EIPR1: variants seen among roughly 807,000 people sequenced by gnomAD.
EIPR1 encodes the protein EARP complex and GARP complex interacting protein 1.
A neutral mutation model predicts 48.1 loss-of-function variants in EIPR1; 25 were observed. That is an observed-to-expected ratio of 0.52 (90% confidence interval 0.38 to 0.73). The LOEUF is 0.73. Among genes scored for constraint, EIPR1 ranks in the 30% least tolerant of loss-of-function variants. EIPR1 has a pLI of 0.00. For synonymous variants in EIPR1, 204 were observed against 201.9 expected, an observed-to-expected ratio of 1.01 and a Z score of -0.09; for missense variants, 415 against 506.2, an observed-to-expected ratio of 0.82 and a Z score of 1.73.
chr2:3,316,231 C>G (rs1357666185), intron 3 of EIPR1, among the ~76,000 whole-genome samples: 1 of 151,616 alleles, frequency 6.6e-6, no homozygotes, highest in Non-Finnish European at 1.5e-5. Context: ...ATCGCCACCA[C>G]CATTATCATC....
At position 3,273,597 on chromosome 2, in the gene EIPR1, C is replaced by T. The variant is rs1454698187; in HGVS notation, c.260-16142G>A. Reference sequence around the variant, plus strand: ...AAAAATAAGAATCTACACTGAGAACCTGAAAACTGCACTGATCCTTACAAA... The same window carrying T: ...AAAAATAAGAATCTACACTGAGAACTTGAAAACTGCACTGATCCTTACAAA... On this transcript the variant is annotated intron_variant, in intron 3 of 8. Transcript: ENST00000382125. 2.0e-5 allele frequency among the ~76,000 whole-genome samples: 3 copies of T among 152,222 alleles called. No homozygotes were observed. The South Asian group carries it at 6.2e-4, about 32-fold the overall frequency.
intron 3 of EIPR1, among the ~76,000 whole-genome samples, chr2:3,281,393 T>C: frequency 6.6e-6 from 1 of 152,136 alleles, no homozygotes; most frequent in South Asian, 2.1e-4. Context: ...GTCTTCATTA[T>C]GAAAGGTAAA....
At chr2:3,357,127 G>C (rs961855808) in intron 1 of EIPR1, among the ~76,000 whole-genome samples, 3 of 152,226 alleles carry the variant, frequency 2.0e-5, no homozygotes, top group African/African-American at 4.8e-5. Context: ...AGTGGCCAAT[G>C]GGAAACCTCC....
chr2:3,304,996 ACTCCC>A (rs1668885124), intron 3 of EIPR1, among the ~76,000 whole-genome samples: 1 of 112,682 alleles, frequency 8.9e-6, no homozygotes, highest in Admixed American at 8.5e-5. Context: ...TCAACCCTCC[ACTCCC>A]GTCCAGTTCA....
chr2:3,253,145 T>C (rs2103211481), intron 4 of EIPR1, among the ~76,000 whole-genome samples: 1 of 152,300 alleles, frequency 6.6e-6, no homozygotes, highest in South Asian at 2.1e-4. Flanking sequence ...CACGGTCCTT[T>C]TTCCTAACCC....
intron 3 of EIPR1, among the ~76,000 whole-genome samples, chr2:3,314,829 G>C (rs944728440): frequency 6.6e-6 from 1 of 151,830 alleles, no homozygotes; most frequent in South Asian, 2.1e-4. Context: ...ATGCACCTGC[G>C]GATGCTCTCA....
In EIPR1 at chr2:3,210,579, C is replaced by T. The variant is rs143102146; in HGVS notation, c.516+3570G>A. Reference sequence around the variant, plus strand: ...GCGAGTCGAGGAGGTCCCGGTGCTGCTGTCCCATTCTCCATGTCCAGGTCT... The same window carrying T: ...GCGAGTCGAGGAGGTCCCGGTGCTGTTGTCCCATTCTCCATGTCCAGGTCT... On this transcript the variant is annotated intron_variant, in intron 5 of 8. Coordinates refer to ENST00000382125, the MANE Select transcript of EIPR1 (RefSeq NM_003310.5). Among the ~76,000 whole-genome samples the T allele has an allele frequency of 6.6e-5, 10 of 151,578 alleles. No homozygotes were observed. In the East Asian group the frequency reaches 1.9e-3, roughly 29 times the overall value.
intron 1 of EIPR1, among the ~76,000 whole-genome samples, chr2:3,364,312 A>G (rs1670921920): frequency 1.3e-5 from 2 of 152,214 alleles, no homozygotes; most frequent in African/African-American, 4.8e-5. Flanking sequence ...ATACATACAC[A>G]GTGAAATATT....
intron 2 of EIPR1, among the ~76,000 whole-genome samples, chr2:3,340,399 C>G (rs1670201879): frequency 6.6e-6 from 1 of 152,230 alleles, no homozygotes; most frequent in African/African-American, 2.4e-5. Flanking sequence ...CCTCTCCATT[C>G]GGGGAACTGA....
intron 4 of EIPR1, among the ~76,000 whole-genome samples, chr2:3,230,083 T>C (rs148065343): frequency 6.6e-6 from 1 of 152,380 alleles, no homozygotes; most frequent in East Asian, 1.9e-4. Context: ...ATTTCTGTTA[T>C]CAATGGTTTA....
rs1041326822 is a variant in EIPR1, at chr2:3,279,362, T to C, written c.260-21907A>G. On this transcript the variant is annotated intron_variant, in intron 3 of 8. Transcript: ENST00000382125. Reference sequence around the variant, plus strand: ...TAAAAACATATTTGTCAGTAAATACTGGGAAGAGGTCGGAATAGTCTGTCA... The same window carrying C: ...TAAAAACATATTTGTCAGTAAATACCGGGAAGAGGTCGGAATAGTCTGTCA... Among the ~76,000 whole-genome samples, 3 of 152,188 alleles carry C rather than the reference T, an allele frequency of 2.0e-5. No homozygotes were observed. The East Asian group carries it at 5.8e-4, about 29-fold the overall frequency.
chr2:3,341,076 A>C (rs1670224729), intron 2 of EIPR1, among the ~76,000 whole-genome samples: 1 of 133,116 alleles, frequency 7.5e-6, no homozygotes, highest in East Asian at 2.5e-4. Context: ...AGCCTGGGTG[A>C]CAGAGTGAGA....
chr2:3,195,099 G>T (rs563124887), intron 6 of EIPR1, among the ~76,000 whole-genome samples: 1 of 152,370 alleles, frequency 6.6e-6, no homozygotes, highest in Admixed American at 6.5e-5. Flanking sequence ...ATGGTCCTTG[G>T]CTGCTCCTCG....
At chr2:3,277,770 C>G (rs1448248913) in intron 3 of EIPR1, among the ~76,000 whole-genome samples, 1 of 152,248 alleles carries the variant, frequency 6.6e-6, no homozygotes, top group Admixed American at 6.5e-5. Flanking sequence ...GCAGCCTCGG[C>G]TAGGGGCCCT....
chr2:3,338,292 G>A, intron 2 of EIPR1, 143 bp from the exon 3 acceptor site: 1 of 961,210 alleles, frequency 1.0e-6, no homozygotes, highest in Non-Finnish European at 1.5e-6. Context: ...CCAACAGTAT[G>A]TGCTTCTATA....
chr2:3,363,455 G>A lies in EIPR1; in HGVS notation c.43-8822C>T, dbSNP rs116627464. On this transcript the variant is annotated intron_variant, in intron 1 of 8. Coordinates refer to ENST00000382125, the MANE Select transcript of EIPR1 (RefSeq NM_003310.5). ...TCATGCCTATAATCCCAATACTGAC[G>A]GAGGCCAAGGTGGGCAAATGGCTTG... is the stretch of plus-strand genomic sequence containing the variant. Among the ~76,000 whole-genome samples the A allele has an allele frequency of 7.0e-3, 1,069 of 152,238 alleles. 11 individuals carry two copies. The highest frequency in any genetic ancestry group is 0.024 in the African/African-American group (994 of 41,510).
At chr2:3,210,653 CGG>C (rs1665416984) in intron 5 of EIPR1, among the ~76,000 whole-genome samples, 3 of 97,368 alleles carry the variant, frequency 3.1e-5, no homozygotes, top group Admixed American at 1.4e-4. Flanking sequence ...TTTTTTGAGA[CGG>C]AGTCTCGCTC....
chr2:3,209,245 G>C (rs879657237), intron 5 of EIPR1, among the ~76,000 whole-genome samples: 2 of 152,146 alleles, frequency 1.3e-5, no homozygotes, highest in Non-Finnish European at 2.9e-5. Flanking sequence ...CCCAGACCTG[G>C]AGCTGAAGAA....
rs1042951186 is a variant in EIPR1, at chr2:3,310,874, AT to A, written c.259+27142del. On this transcript the variant is annotated intron_variant, in intron 3 of 8. Transcript: ENST00000382125. ...TTTTATGATTCCCCCAAATCAATCA[AT>A]TTTTTTTTCAAATAAACAAATTAGC... Among the ~76,000 whole-genome samples, 16 of 151,148 alleles carry A rather than the reference AT, an allele frequency of 1.1e-4. 1 individual carries two copies. Among genetic ancestry groups the A allele is most frequent in the Middle Eastern group, 6.8e-3 (2 of 292 alleles).
Sources: allele counts gnomAD v4.1 joint callset (sites outside exome capture counted in the v4.1 genomes callset), GRCh38; gene constraint gnomAD v4.1.1; transcripts MANE v1.5; gene names NCBI Gene and HGNC (gene_info 2026-07-23, HGNC 2026-07-21).